Variants in SDK1 observed in about 807,000 individuals in gnomAD.
SDK1 encodes sidekick cell adhesion molecule 1.
SDK1 carries 157 observed loss-of-function variants against 245.5 expected under a neutral mutation model. The observed-to-expected ratio is 0.64, with a 90% CI of 0.56 to 0.73. SDK1 has a LOEUF of 0.73. Among genes scored for constraint, SDK1 ranks in the 30% least tolerant of loss-of-function variants. The pLI is 0.00. For synonymous variants in SDK1, 1,647 were observed against 1,278.5 expected (o/e 1.29, Z -6.15); for missense variants, 3,583 against 3,002.3 (o/e 1.19, Z -4.52).
rs559293809 is a variant in SDK1 at position 3,308,734 on chromosome 7, G to C, written c.298+6850G>C. 2.6e-5 allele frequency among the ~76,000 whole-genome samples: 4 copies of C among 152,176 alleles called. No homozygotes were observed. The South Asian group carries it at 8.3e-4, about 32-fold the overall frequency. On this transcript the variant is annotated intron_variant, in intron 1 of 44. Coordinates refer to ENST00000404826, the MANE Select transcript of SDK1 (RefSeq NM_152744.4). ...TAGACCCTGGGGTCCATATTATTAC[G>C]TAGAATTAGTCTTTGTGCAGTGTTT...
At chr7:3,394,249 T>C (rs1781835825) in intron 1 of SDK1, among the ~76,000 whole-genome samples, 1 of 152,170 alleles carries the variant, frequency 6.6e-6, no homozygotes, top group Non-Finnish European at 1.5e-5. Flanking sequence ...GATCATCTTT[T>C]TGCATGTGGA....
intron 4 of SDK1, among the ~76,000 whole-genome samples, chr7:3,742,843 C>T (rs1384809848): frequency 2.0e-5 from 3 of 151,958 alleles, no homozygotes; most frequent in African/African-American, 4.8e-5. Flanking sequence ...TCGAATGGAT[C>T]GGTTATTGGA....
At chr7:3,512,656 G>A (rs1782621062) in intron 1 of SDK1, among the ~76,000 whole-genome samples, 1 of 152,136 alleles carries the variant, frequency 6.6e-6, no homozygotes, top group Non-Finnish European at 1.5e-5. Context: ...CTAGTGATAT[G>A]TTGTTGTTGA....
chr7:4,209,143 C>T (rs907321092), intron 37 of SDK1, among the ~76,000 whole-genome samples: 3 of 152,232 alleles, frequency 2.0e-5, no homozygotes, highest in African/African-American at 4.8e-5. Context: ...AGGACCACTT[C>T]CTTTGGCTTC....
intron 4 of SDK1, among the ~76,000 whole-genome samples, chr7:3,747,767 G>A (rs906778120): frequency 1.3e-5 from 2 of 152,128 alleles, no homozygotes; most frequent in Non-Finnish European, 1.5e-5. Flanking sequence ...AAACGCAGAG[G>A]AGTGGTAAGA....
In SDK1 at chr7:3,962,287, C is replaced by T. The variant is rs989043217; in HGVS notation, c.1235-370C>T. On this transcript the variant is annotated intron_variant, in intron 8 of 44. Coordinates refer to ENST00000404826, the MANE Select transcript of SDK1 (RefSeq NM_152744.4). Reference sequence around the variant, plus strand: ...TGCCCCTATGACCCTGTGCCCAAGCCCTCCCGCGGTGGCTGAGTAGGGCAC... The same window carrying T: ...TGCCCCTATGACCCTGTGCCCAAGCTCTCCCGCGGTGGCTGAGTAGGGCAC... Among the ~76,000 whole-genome samples, 3 of 152,326 alleles carry T rather than the reference C, an allele frequency of 2.0e-5. No homozygotes were observed. The East Asian group carries it at 5.8e-4, about 29-fold the overall frequency.
chr7:3,405,534 G>T (rs1779028099), intron 1 of SDK1, among the ~76,000 whole-genome samples: 2 of 152,142 alleles, frequency 1.3e-5, no homozygotes, highest in African/African-American at 4.8e-5. Flanking sequence ...CCTGTCTTTA[G>T]TTTCATGCTA....
At chr7:4,159,613 G>GCCGTC (rs764630932) in intron 31 of SDK1, among the ~76,000 whole-genome samples, 4 of 152,248 alleles carry the variant, frequency 2.6e-5, no homozygotes, top group Non-Finnish European at 5.9e-5. Context: ...AAAGAGAGGA[G>GCCGTC]CCGTCCCGGG....
At position 4,225,577 on chromosome 7, in the gene SDK1, C is replaced by T. The variant is rs186009869; in HGVS notation, c.5827+4213C>T. On this transcript the variant is annotated intron_variant, in intron 40 of 44. Coordinates refer to ENST00000404826, the MANE Select transcript of SDK1 (RefSeq NM_152744.4). ...CTCAGGTTCTCATATGCTGCTCCGC[C>T]GGCTGCACGAAGGGAACAGGACGCC... 9.2e-5 allele frequency among the ~76,000 whole-genome samples: 14 copies of T among 152,284 alleles called. No individual in the cohort carries two copies. In the South Asian group the frequency reaches 1.7e-3, roughly 18 times the overall value.
chr7:3,368,666 C>T (rs1781150295), intron 1 of SDK1, among the ~76,000 whole-genome samples: 1 of 152,104 alleles, frequency 6.6e-6, no homozygotes, highest in African/African-American at 2.4e-5. Flanking sequence ...TTTATGTGCC[C>T]ATTTGTCATT....
chr7:3,706,447 G>C (rs1784891940), intron 4 of SDK1, among the ~76,000 whole-genome samples: 4 of 152,272 alleles, frequency 2.6e-5, no homozygotes, highest in South Asian at 4.1e-4. Flanking sequence ...TGTCACCCAG[G>C]CTGGAGTGCA....
At chr7:4,073,810 A>G (rs1780428065) in intron 20 of SDK1, among the ~76,000 whole-genome samples, 1 of 152,176 alleles carries the variant, frequency 6.6e-6, no homozygotes, top group African/African-American at 2.4e-5. Flanking sequence ...GAATGGACTC[A>G]GAGACCCGGA....
intron 14 of SDK1, among the ~76,000 whole-genome samples, chr7:4,004,208 A>T (rs2128145667): frequency 6.6e-6 from 1 of 152,348 alleles, no homozygotes; most frequent in South Asian, 2.1e-4. Flanking sequence ...GTTGCTGAGG[A>T]CCAAACAGGG....
intron 43 of SDK1, among the ~76,000 whole-genome samples, chr7:4,244,731 C>T (rs955719482): frequency 6.6e-6 from 1 of 152,212 alleles, no homozygotes; most frequent in Non-Finnish European, 1.5e-5. Context: ...GCTGTGTTCT[C>T]ATCTGGAGGC....
At chr7:3,339,466 C>T (rs546457189) in intron 1 of SDK1, among the ~76,000 whole-genome samples, 7 of 152,012 alleles carry the variant, frequency 4.6e-5, no homozygotes, top group East Asian at 1.9e-4. Context: ...ACAATTTACC[C>T]GAAACAATAG....
intron 5 of SDK1, among the ~76,000 whole-genome samples, chr7:3,913,797 A>G (rs752393029): frequency 2.0e-5 from 3 of 152,036 alleles, no homozygotes; most frequent in Non-Finnish European, 2.9e-5. Flanking sequence ...ACAGATGCTG[A>G]CCCCTGACAA....
intron 1 of SDK1, among the ~76,000 whole-genome samples, chr7:3,470,301 G>C (rs1781140096): frequency 6.6e-6 from 1 of 152,122 alleles, no homozygotes; most frequent in South Asian, 2.1e-4. Flanking sequence ...AAACCTAACA[G>C]ATAGGTATAG....
At chr7:3,626,034 C>A (rs1009672741) in intron 2 of SDK1, among the ~76,000 whole-genome samples, 1 of 148,042 alleles carries the variant, frequency 6.8e-6, no homozygotes, top group Admixed American at 6.9e-5. Context: ...GCCTGGAACT[C>A]CTAGACTGAA....
rs181236633 is a variant in SDK1 at position 3,774,755 on chromosome 7, T to A, written c.714-46695T>A. Among the ~76,000 whole-genome samples the A allele has an allele frequency of 1.2e-4, 19 of 152,318 alleles. 1 individual carries two copies. In the South Asian group the frequency reaches 2.5e-3, roughly 20 times the overall value. On this transcript the variant is annotated intron_variant, in intron 4 of 44. Transcript: ENST00000404826. ...ATAGTTGTGGAATTTGGAGGTATTTTTCTAGGTTTTATGATCTTCTCCTGA... is the reference window on the plus strand; with the variant it reads ...ATAGTTGTGGAATTTGGAGGTATTTATCTAGGTTTTATGATCTTCTCCTGA...
Sources: gnomAD v4.1 joint callset for allele counts (sites outside exome capture counted in the v4.1 genomes callset) on GRCh38, gnomAD v4.1.1 for gene constraint, MANE v1.5 for transcripts, NCBI Gene and HGNC (gene_info 2026-07-23, HGNC 2026-07-21) for gene names.